The following RAB10 variants were observed in gnomAD, a reference collection of about 807,000 sequenced individuals.
RAB10 encodes the protein ras-related protein Rab-10.
RAB10 carries 5 observed loss-of-function variants against 25.7 expected under a neutral mutation model. The ratio of observed to expected loss-of-function variants is 0.19; its 90% CI spans 0.10 to 0.41. The LOEUF (loss-of-function observed/expected upper bound fraction) is 0.41. Ranked by LOEUF, RAB10 falls within the 10% of genes least tolerant of loss-of-function variation. The pLI, the probability that RAB10 is intolerant of heterozygous loss-of-function variation, is 1.00. For synonymous variants in RAB10, 89 were observed against 86.4 expected (o/e 1.03, Z -0.16); for missense variants, 103 against 245.8 (o/e 0.42, Z 3.89).
intron 1 of RAB10, among the ~76,000 whole-genome samples, chr2:26,037,801 G>A (rs1037912444): frequency 6.6e-6 from 1 of 152,172 alleles, no homozygotes; most frequent in Non-Finnish European, 1.5e-5. Context: ...CTCTTCTGCT[G>A]TGGAGGTGTG....
At chr2:26,119,942 G>T (rs549318526) in intron 3 of RAB10, among the ~76,000 whole-genome samples, 1 of 152,198 alleles carries the variant, frequency 6.6e-6, no homozygotes, top group African/African-American at 2.4e-5. Flanking sequence ...TGGCGTGGAG[G>T]TGTAGTAGGT....
At position 26,034,570 on chromosome 2, in the gene RAB10, T is replaced by A; in HGVS notation, c.-39T>A. On this transcript the variant is annotated 5_prime_UTR_variant, in exon 1 of 6. Coordinates refer to ENST00000264710, the MANE Select transcript of RAB10 (RefSeq NM_016131.5). ...GCCGTAGTGAGAGGGACCGATCCCT[T>A]GGGGCCGCCGGCGGCGAGAGCCCGA... The A allele has an allele frequency of 6.2e-7, 1 of 1,611,856 alleles. No homozygotes were observed.
intron 1 of RAB10, among the ~76,000 whole-genome samples, chr2:26,087,844 C>T (rs1183125776): frequency 6.6e-6 from 1 of 152,242 alleles, no homozygotes; most frequent in East Asian, 1.9e-4. Flanking sequence ...GTTAACTACG[C>T]TGTTACTATT....
intron 3 of RAB10, among the ~76,000 whole-genome samples, chr2:26,114,547 G>T (rs1427856335): frequency 6.6e-6 from 1 of 152,062 alleles, no homozygotes; most frequent in African/African-American, 2.4e-5. Context: ...TTGTGTGGAA[G>T]AATGAAAGTT....
At chr2:26,118,421 TA>T (rs1237616456) in intron 3 of RAB10, among the ~76,000 whole-genome samples, 8 of 73,050 alleles carry the variant, frequency 1.1e-4, no homozygotes, top group East Asian at 4.1e-4. Context: ...ATAAGTGCTT[TA>T]AAAAAAAACA....
chr2:26,128,844 ATG>A (rs1168118347), intron 5 of RAB10, among the ~76,000 whole-genome samples: 3 of 8,402 alleles, frequency 3.6e-4, no homozygotes, highest in Admixed American at 1.3e-3. Flanking sequence ...TGTAAGTAAC[ATG>A]TAGTCAAATT....
intron 1 of RAB10, among the ~76,000 whole-genome samples, chr2:26,071,151 G>A (rs1666617976): frequency 6.6e-6 from 1 of 152,126 alleles, no homozygotes; most frequent in Non-Finnish European, 1.5e-5. Flanking sequence ...TATCTTTTTG[G>A]TGTATGATGA....
intron 1 of RAB10, among the ~76,000 whole-genome samples, chr2:26,096,187 C>T (rs570962970): frequency 3.6e-4 from 55 of 152,186 alleles, no homozygotes; most frequent in Admixed American, 9.2e-4. Context: ...CTTAATATTC[C>T]TTTTATAAAC....
At chr2:26,114,039 G>GT (rs1478661388) in intron 3 of RAB10, among the ~76,000 whole-genome samples, 1 of 152,134 alleles carries the variant, frequency 6.6e-6, no homozygotes, top group Non-Finnish European at 1.5e-5. Context: ...CCAAAAGAGT[G>GT]TAAGACTTGA....
intron 3 of RAB10, among the ~76,000 whole-genome samples, chr2:26,114,335 A>C (rs1667639412): frequency 1.3e-5 from 2 of 152,216 alleles, no homozygotes; most frequent in African/African-American, 4.8e-5. Context: ...TTCTGGTTTT[A>C]AAACTTAACC....
intron 2 of RAB10, among the ~76,000 whole-genome samples, chr2:26,107,781 A>T (rs993356334): frequency 6.6e-6 from 1 of 151,826 alleles, no homozygotes; most frequent in Non-Finnish European, 1.5e-5. Flanking sequence ...GGGCGGCAAG[A>T]TCGAAACTCT....
chr2:26,087,687 C>T (rs1025369050), intron 1 of RAB10, among the ~76,000 whole-genome samples: 1 of 152,194 alleles, frequency 6.6e-6, no homozygotes, highest in Non-Finnish European at 1.5e-5. Flanking sequence ...CAGGTGTGAG[C>T]CACCACGCCC....
intron 3 of RAB10, among the ~76,000 whole-genome samples, chr2:26,115,160 TG>T (rs1372025823): frequency 3.3e-5 from 5 of 152,204 alleles, no homozygotes; most frequent in African/African-American, 1.2e-4. Context: ...AAGATGCAGC[TG>T]GTTTGGAAGA....
intron 1 of RAB10, among the ~76,000 whole-genome samples, chr2:26,045,774 G>A (rs1414163693): frequency 6.6e-6 from 1 of 152,158 alleles, no homozygotes; most frequent in Non-Finnish European, 1.5e-5. Context: ...GGGTCTTGCT[G>A]TGTTGCCCAG....
At chr2:26,042,326 T>C (rs546013065) in intron 1 of RAB10, among the ~76,000 whole-genome samples, 4 of 152,252 alleles carry the variant, frequency 2.6e-5, no homozygotes, top group African/African-American at 9.6e-5. Flanking sequence ...TTGGTTCCAC[T>C]AACCTGCATT....
intron 1 of RAB10, among the ~76,000 whole-genome samples, chr2:26,052,594 G>C (rs1158885461): frequency 6.6e-6 from 1 of 151,924 alleles, no homozygotes; most frequent in Non-Finnish European, 1.5e-5. Context: ...ATCTGGGGAG[G>C]AGAATGTAAG....
chr2:26,076,371 T>A (rs891747873), intron 1 of RAB10, among the ~76,000 whole-genome samples: 4 of 152,310 alleles, frequency 2.6e-5, no homozygotes, highest in South Asian at 2.1e-4. Flanking sequence ...AAACTTGTAT[T>A]TGCTTATTGG....
At chr2:26,109,150 T>G (rs902617135) in intron 2 of RAB10, among the ~76,000 whole-genome samples, 3 of 152,104 alleles carry the variant, frequency 2.0e-5, no homozygotes, top group Non-Finnish European at 4.4e-5. Flanking sequence ...CCTTAAGTGA[T>G]CTACACGCCT....
At chr2:26,036,474 T>C (rs1394250077) in intron 1 of RAB10, among the ~76,000 whole-genome samples, 1 of 151,902 alleles carries the variant, frequency 6.6e-6, no homozygotes, top group Non-Finnish European at 1.5e-5. Context: ...GTTTGGCCAA[T>C]ATGGTGAAAC....
Sources: allele counts gnomAD v4.1 joint callset (sites outside exome capture counted in the v4.1 genomes callset), GRCh38; gene constraint gnomAD v4.1.1; transcripts MANE v1.5; gene names NCBI Gene and HGNC (gene_info 2026-07-23, HGNC 2026-07-21).